The following CNTN4 variants were observed in gnomAD, a reference collection of about 807,000 sequenced individuals.
The protein encoded by CNTN4 is contactin 4.
CNTN4 carries 77 observed loss-of-function variants against 122.5 expected under a neutral mutation model. The ratio of observed to expected loss-of-function variants is 0.63; its 90% confidence interval spans 0.52 to 0.76. The LOEUF is 0.76. CNTN4 is among the 30% of genes least tolerant of loss of function. The pLI, the probability that CNTN4 is intolerant of heterozygous loss-of-function variation, is 0.00. For missense variants in CNTN4, 1,256 were observed against 1,259.1 expected (o/e 1.00, Z 0.04); for synonymous variants, 512 against 447.0 (o/e 1.15, Z -1.83).
At chr3:2,130,110 T>C (rs1359631624) in intron 2 of CNTN4, among the ~76,000 whole-genome samples, 1 of 152,198 alleles carries the variant, frequency 6.6e-6, no homozygotes, top group African/African-American at 2.4e-5. Flanking sequence ...TTTGTCCATA[T>C]GTTATTCTCA....
intron 2 of CNTN4, among the ~76,000 whole-genome samples, chr3:2,170,519 G>A (rs1407503334): frequency 6.6e-6 from 1 of 152,194 alleles, no homozygotes; most frequent in Admixed American, 6.5e-5. Flanking sequence ...GGGAAGTCCT[G>A]TCATTCTAAG....
Position 2,745,591 on chromosome 3 carries a change from G to C in CNTN4, c.252G>C (p.Leu84Phe), listed in dbSNP as rs759942665. 4 of 1,614,020 alleles carry C rather than the reference G, an allele frequency of 2.5e-6. No homozygotes were observed. In the Admixed American group the frequency reaches 6.7e-5, roughly 27 times the overall value. Reference protein sequence around the residue: ...DFRYSVVEGSLLINNPNKTQD... With the variant: ...DFRYSVVEGSFLINNPNKTQD... The stretch of plus-strand genomic sequence containing the variant: ...GCTACAGTGTTGTTGAAGGGAGCTT[G>C]TTGATCAATAACCCCAATAAAACCC... Residue 84 changes from leucine (L) to phenylalanine (F), a missense_variant, in exon 6 of 25, where the codon TTG becomes TTC. Physicochemically the swap from Leu to Phe is conservative, Grantham distance 22. Transcript: ENST00000418658.
intron 3 of CNTN4, among the ~76,000 whole-genome samples, chr3:2,485,670 A>G (rs1430679003): frequency 6.6e-6 from 1 of 152,226 alleles, no homozygotes; most frequent in Middle Eastern, 3.4e-3. Flanking sequence ...TAAATACACC[A>G]ATCAGCACTC....
intron 4 of CNTN4, among the ~76,000 whole-genome samples, chr3:2,586,391 C>G (rs142929997): frequency 2.1e-4 from 32 of 152,362 alleles, no homozygotes; most frequent in African/African-American, 7.2e-4. Flanking sequence ...CTCCCACGTT[C>G]AAGCGATTCT....
chr3:2,377,040 C>T (rs2045845891), intron 3 of CNTN4, among the ~76,000 whole-genome samples: 1 of 152,012 alleles, frequency 6.6e-6, no homozygotes, highest in Non-Finnish European at 1.5e-5. Context: ...CCTGTAGTCC[C>T]AGCTACTTGG....
intron 8 of CNTN4, among the ~76,000 whole-genome samples, chr3:2,869,289 T>C (rs193288993): frequency 6.6e-6 from 1 of 152,178 alleles, no homozygotes; most frequent in Non-Finnish European, 1.5e-5. Context: ...ATCAGAATAC[T>C]ACTGCAATTA....
chr3:2,410,713 G>A (rs899685010), intron 3 of CNTN4, among the ~76,000 whole-genome samples: 1 of 152,118 alleles, frequency 6.6e-6, no homozygotes. Context: ...CAATGTTATT[G>A]CTTTAGAATA....
At chr3:2,170,241 A>AC (rs1325875199) in intron 2 of CNTN4, among the ~76,000 whole-genome samples, 24 of 151,882 alleles carry the variant, frequency 1.6e-4, no homozygotes, top group Admixed American at 5.9e-4. Context: ...AATGGCGGGA[A>AC]CCCGGGAGGC....
At chr3:2,165,228 C>G (rs141108250) in intron 2 of CNTN4, among the ~76,000 whole-genome samples, 4,322 of 151,834 alleles carry the variant, frequency 0.028, 92 homozygotes, top group African/African-American at 0.059. Context: ...GAGGCTGAGG[C>G]AGGAGAATTG....
intron 2 of CNTN4, among the ~76,000 whole-genome samples, chr3:2,271,900 C>G (rs2041314057): frequency 6.6e-6 from 1 of 151,884 alleles, no homozygotes; most frequent in Non-Finnish European, 1.5e-5. Flanking sequence ...TGTTAAGGGA[C>G]CAAGACATTA....
At chr3:2,647,909 G>A (rs184241142) in intron 4 of CNTN4, among the ~76,000 whole-genome samples, 8 of 152,266 alleles carry the variant, frequency 5.3e-5, no homozygotes, top group Admixed American at 1.3e-4. Context: ...CATTTACTTT[G>A]TTGTTAAACC....
chr3:2,681,302 C>G (rs1034502665), intron 4 of CNTN4, among the ~76,000 whole-genome samples: 2 of 152,156 alleles, frequency 1.3e-5, no homozygotes, highest in African/African-American at 4.8e-5. Context: ...TAGAGATTAG[C>G]CTATTGAGTA....
chr3:2,394,534 T>G (rs1321796095), intron 3 of CNTN4, among the ~76,000 whole-genome samples: 1 of 152,092 alleles, frequency 6.6e-6, no homozygotes, highest in Non-Finnish European at 1.5e-5. Context: ...CCAATATATA[T>G]CCACTGAAAT....
intron 10 of CNTN4, among the ~76,000 whole-genome samples, chr3:2,895,570 T>C (rs934204392): frequency 5.9e-5 from 9 of 152,216 alleles, no homozygotes; most frequent in African/African-American, 2.2e-4. Context: ...CTATGGGAGA[T>C]GCCATCTCCC....
At chr3:2,493,118 A>G (rs1022274707) in intron 3 of CNTN4, among the ~76,000 whole-genome samples, 4 of 152,178 alleles carry the variant, frequency 2.6e-5, no homozygotes, top group African/African-American at 9.6e-5. Flanking sequence ...GTGCATTTCC[A>G]TCCTTCAACC....
intron 4 of CNTN4, among the ~76,000 whole-genome samples, chr3:2,665,497 G>T (rs192166766): frequency 2.4e-4 from 37 of 152,298 alleles, no homozygotes; most frequent in Admixed American, 1.8e-3. Flanking sequence ...TATCTCTGGA[G>T]ATTGACATAG....
At chr3:2,124,577 C>G (rs931341611) in intron 2 of CNTN4, among the ~76,000 whole-genome samples, 1 of 151,702 alleles carries the variant, frequency 6.6e-6, no homozygotes, top group African/African-American at 2.4e-5. Flanking sequence ...GCTGGAGCAA[C>G]AAAGTGAGCT....
intron 2 of CNTN4, among the ~76,000 whole-genome samples, chr3:2,146,331 T>G (rs765307700): frequency 4.6e-5 from 7 of 151,784 alleles, no homozygotes; most frequent in Non-Finnish European, 7.4e-5. Flanking sequence ...AAAATTTATT[T>G]CTAAAGGTAA....
chr3:2,330,585 G>T (rs1000824120), intron 2 of CNTN4, among the ~76,000 whole-genome samples: 5 of 141,968 alleles, frequency 3.5e-5, no homozygotes, highest in African/African-American at 1.3e-4. Context: ...CAGAGGAAAA[G>T]AGGGTCAGTA....
Sources: gnomAD v4.1 joint callset for allele counts (sites outside exome capture counted in the v4.1 genomes callset) on GRCh38, gnomAD v4.1.1 for gene constraint, MANE v1.5 for transcripts, NCBI Gene and HGNC (gene_info 2026-07-23, HGNC 2026-07-21) for gene names.